The following DLX4 variants were observed in gnomAD, a reference collection of about 807,000 sequenced individuals.
DLX4 encodes distal-less homeobox 4, also known as homeobox protein DLX-4.
In DLX4, 13 loss-of-function variants were observed where a neutral mutation model predicts 17.1. That is an observed-to-expected ratio of 0.76 (90% CI 0.49 to 1.21). DLX4 has a LOEUF of 1.21. DLX4 is among the 50% of genes most tolerant of loss of function. DLX4 has a pLI of 0.00. For synonymous variants in DLX4, 129 were observed against 140.3 expected, an observed-to-expected ratio of 0.92 and a Z score of 0.57; for missense variants, 297 against 301.4, an observed-to-expected ratio of 0.99 and a Z score of 0.11.
In DLX4 at chr17:49,972,730, T is replaced by C. The variant is rs1464470777; in HGVS notation, c.284-343T>C. ...CTTTCTGCCCCGCCCTACCCCAAGC[T>C]GGCGCCACCGCCCGTGGCTGAACTC... On this transcript the variant is annotated intron_variant, in intron 1 of 2. Coordinates refer to ENST00000240306, the MANE Select transcript of DLX4 (RefSeq NM_138281.3). This position sits in a 1 kb window ranked among gnomAD's most constrained non-coding sequence, Gnocchi z 5.4. 2 of 1,373,550 alleles carry C rather than the reference T, an allele frequency of 1.5e-6. No individual in the cohort carries two copies. The highest frequency in any genetic ancestry group is 1.9e-6 in the Non-Finnish European group (2 of 1,069,024). 85.1% of individuals were successfully genotyped at this position (1,373,550 alleles called of 1,614,324 possible). A position where few individuals can be genotyped will look rare whatever the true frequency, so the allele number is the denominator to read the frequency against.
At chr17:49,970,611 T>C (rs895064834) in intron 1 of DLX4, among the ~76,000 whole-genome samples, 4 of 152,184 alleles carry the variant, frequency 2.6e-5, no homozygotes, top group African/African-American at 9.6e-5. Flanking sequence ...TGAGCTGACA[T>C]ACAATGTGGG....
In DLX4 at chr17:49,972,040, GGCATTGCGGCT is replaced by G. The variant is rs1905524541; in HGVS notation, c.284-1030_284-1020del. 1 of 152,244 alleles carries G rather than the reference GGCATTGCGGCT, an allele frequency of 6.6e-6. No individual in the cohort carries two copies. Among genetic ancestry groups the G allele is most frequent in the Non-Finnish European group, 1.5e-5 (1 of 68,102 alleles). The allele number at this position is 152,244 out of a possible 1,614,324, so 9.4% of individuals were successfully genotyped here. On this transcript the variant is annotated intron_variant, in intron 1 of 2. Coordinates refer to ENST00000240306, the MANE Select transcript of DLX4 (RefSeq NM_138281.3). This position sits in a 1 kb window ranked among gnomAD's most constrained non-coding sequence, Gnocchi z 5.4. ...CGGCGAACGCTGCCCTAAGCGCCCG[GGCATTGCGGCT>G]GCTCCATCCGCCCTACTCCTCCCAT...
intron 1 of DLX4, among the ~76,000 whole-genome samples, chr17:49,971,689 C>T (rs1905511587): frequency 6.6e-6 from 1 of 151,996 alleles, no homozygotes; most frequent in Admixed American, 6.5e-5. Flanking sequence ...CGCGGGTGGG[C>T]TCTGGGCTGC....
Position 49,969,536 on chromosome 17 carries a change from C to T in DLX4, c.68C>T (p.Pro23Leu), listed in dbSNP as rs1220519806. The change falls in exon 1 of 3, where the codon CCT becomes CTT. Residue 23 changes from proline (P) to leucine (L), a missense_variant. Coordinates refer to ENST00000240306, the MANE Select transcript of DLX4 (RefSeq NM_138281.3). ...AAAGCTGTCTTCCCAGACCTCGCCC[C>T]TGTCCCGTCGGTAGCGGCTGCCTAC... ...ASKAVFPDLAPVPSVAAAYPL... is the reference protein window; with the variant it reads ...ASKAVFPDLALVPSVAAAYPL... The T allele has an allele frequency of 4.3e-6, 7 of 1,613,216 alleles. No homozygotes were observed. The highest frequency in any genetic ancestry group is 1.1e-5 in the South Asian group (1 of 91,048).
chr17:49,973,013 T>A (rs1386022044), intron 1 of DLX4, 60 bp from the exon 2 acceptor site: 3 of 1,579,320 alleles, frequency 1.9e-6, no homozygotes, highest in Non-Finnish European at 2.6e-6. Context: ...CTTATGAAAC[T>A]GTCCGTCCTA....
rs1905417333 is a variant in DLX4, at chr17:49,969,401, A to T, written c.-68A>T. On this transcript the variant is annotated 5_prime_UTR_variant, in exon 1 of 3. Coordinates refer to ENST00000240306, the MANE Select transcript of DLX4 (RefSeq NM_138281.3). ...TCCGGCCCAACGCCGGAGGCTTGGAAAAGAGAGTTGGCAGCGGGAGCGGAC... is the reference window on the plus strand; with the variant it reads ...TCCGGCCCAACGCCGGAGGCTTGGATAAGAGAGTTGGCAGCGGGAGCGGAC... 1 of 1,464,382 alleles carries T rather than the reference A, an allele frequency of 6.8e-7. No individual in the cohort carries two copies. Among genetic ancestry groups the T allele is most frequent in the Non-Finnish European group, 9.0e-7 (1 of 1,113,228 alleles). 90.7% of individuals were successfully genotyped at this position (1,464,382 alleles called of 1,614,324 possible).
chr17:49,972,246 C>A lies in DLX4; in HGVS notation c.284-827C>A, dbSNP rs903789302. The A allele has an allele frequency of 6.6e-6, 1 of 152,280 alleles. No homozygotes were observed. The highest frequency in any genetic ancestry group is 1.5e-5 in the Non-Finnish European group (1 of 68,102). The allele number at this position is 152,280 out of a possible 1,614,324, so 9.4% of individuals were successfully genotyped here. ...TAGGCGGGCCAGAGCTGACCAGATCCCCCGCGGCGGCACCGCAGCGCGATC... is the reference window on the plus strand; with the variant it reads ...TAGGCGGGCCAGAGCTGACCAGATCACCCGCGGCGGCACCGCAGCGCGATC... On this transcript the variant is annotated intron_variant, in intron 1 of 2. Coordinates refer to ENST00000240306, the MANE Select transcript of DLX4 (RefSeq NM_138281.3). The surrounding 1 kb of genome is among the most constrained non-coding windows in gnomAD (Gnocchi z 5.4).
Position 49,974,063 on chromosome 17 carries a change from C to A in DLX4, c.*120C>A. 1 of 1,342,376 alleles carries A rather than the reference C, an allele frequency of 7.4e-7. No individual in the cohort carries two copies. The highest frequency in any genetic ancestry group is 9.8e-7 in the Non-Finnish European group (1 of 1,015,446). 83.2% of individuals were successfully genotyped at this position (1,342,376 alleles called of 1,614,324 possible). A position where few individuals can be genotyped will look rare whatever the true frequency, so the allele number is the denominator to read the frequency against. ...CTCCAGATGGGTTTTCTCTGGAGGA[C>A]AAGCAGTTAGAGGAGAAAAAGGAAT... On this transcript the variant is annotated 3_prime_UTR_variant, in exon 3 of 3. Coordinates refer to ENST00000240306, the MANE Select transcript of DLX4 (RefSeq NM_138281.3).
Position 49,972,905 on chromosome 17 carries a change from C to T in DLX4, c.284-168C>T. 6.9e-7 allele frequency: 1 copy of T among 1,454,910 alleles called. No individual in the cohort carries two copies. The highest frequency in any genetic ancestry group is 9.1e-7 in the Non-Finnish European group (1 of 1,100,530). The allele number at this position is 1,454,910 out of a possible 1,614,324, so 90.1% of individuals were successfully genotyped here. A position where few individuals can be genotyped will look rare whatever the true frequency, so the allele number is the denominator to read the frequency against. On this transcript the variant is annotated intron_variant, in intron 1 of 2. Transcript: ENST00000240306. This position sits in a 1 kb window ranked among gnomAD's most constrained non-coding sequence, Gnocchi z 5.4. ...CGGTGAACGTGGGGGTTGAAACGCT[C>T]CACGCGGAAGGTAGAGGGCAGGGGC...
chr17:49,971,832 C>T, intron 1 of DLX4: 1 of 152,326 alleles, frequency 6.6e-6, no homozygotes, highest in Non-Finnish European at 1.5e-5. Context: ...AAGCCCGCAG[C>T]GCCCGAGGCC....
In DLX4 at chr17:49,969,245, G is replaced by C. The variant is rs1905409886; in HGVS notation, c.-224G>C. ...AGGAGGGGGCCCCCATGGATTTAGG[G>C]GGGGAGGGGAAAGTCATGGGGGGCA... On this transcript the variant is annotated 5_prime_UTR_variant, in exon 1 of 3. Coordinates refer to ENST00000240306, the MANE Select transcript of DLX4 (RefSeq NM_138281.3). 4.7e-6 allele frequency: 2 copies of C among 423,832 alleles called. No homozygotes were observed. Among genetic ancestry groups the C allele is most frequent in the Non-Finnish European group, 7.7e-6 (2 of 259,862 alleles). The allele number at this position is 423,832 out of a possible 1,614,324, so 26.3% of individuals were successfully genotyped here.
At position 49,974,030 on chromosome 17, in the gene DLX4, G is replaced by T. The variant is rs534056261; in HGVS notation, c.*87G>T. 585 of 1,456,930 alleles carry T rather than the reference G, an allele frequency of 4.0e-4. 3 individuals carry two copies. The Middle Eastern group carries it at 4.1e-3, about 10-fold the overall frequency. 90.3% of individuals were successfully genotyped at this position (1,456,930 alleles called of 1,614,324 possible). Reference sequence around the variant, plus strand: ...ACCTGCACCCCTTCTGGGCTGGGAGGAAACCAGCTCCAGATGGGTTTTCTC... The same window carrying T: ...ACCTGCACCCCTTCTGGGCTGGGAGTAAACCAGCTCCAGATGGGTTTTCTC... On this transcript the variant is annotated 3_prime_UTR_variant, in exon 3 of 3. Coordinates refer to ENST00000240306, the MANE Select transcript of DLX4 (RefSeq NM_138281.3).
At position 49,969,284 on chromosome 17, in the gene DLX4, C is replaced by A; in HGVS notation, c.-185C>A. 2 of 640,818 alleles carry A rather than the reference C, an allele frequency of 3.1e-6. No homozygotes were observed. The highest frequency in any genetic ancestry group is 4.8e-6 in the Non-Finnish European group (2 of 417,842). The allele number at this position is 640,818 out of a possible 1,614,324, so 39.7% of individuals were successfully genotyped here. ...TCATGGGGGGCACCCCCCCGGAACC[C>A]CTTTCCCAGGCGCGCGTTCTCCGCT... On this transcript the variant is annotated 5_prime_UTR_variant, in exon 1 of 3. Transcript: ENST00000240306.
In DLX4 at chr17:49,969,338, G is replaced by T; in HGVS notation, c.-131G>T. 9.3e-7 allele frequency: 1 copy of T among 1,074,590 alleles called. No individual in the cohort carries two copies. Among genetic ancestry groups the T allele is most frequent in the East Asian group, 2.8e-5 (1 of 36,082 alleles). The allele number at this position is 1,074,590 out of a possible 1,614,324, so 66.6% of individuals were successfully genotyped here. A position where few individuals can be genotyped will look rare whatever the true frequency, so the allele number is the denominator to read the frequency against. ...AGAGGCTCAGAGAGACACTTTCTCC[G>T]GGATCTTAAGTGTGGGGGCTGCTGG... On this transcript the variant is annotated 5_prime_UTR_variant, in exon 1 of 3. Coordinates refer to ENST00000240306, the MANE Select transcript of DLX4 (RefSeq NM_138281.3).
chr17:49,969,397 T>G lies in DLX4; in HGVS notation c.-72T>G. 1 of 1,460,684 alleles carries G rather than the reference T, an allele frequency of 6.8e-7. No homozygotes were observed. The highest frequency in any genetic ancestry group is 9.0e-7 in the Non-Finnish European group (1 of 1,110,424). The allele number at this position is 1,460,684 out of a possible 1,614,324, so 90.5% of individuals were successfully genotyped here. ...CCCGTCCGGCCCAACGCCGGAGGCT[T>G]GGAAAAGAGAGTTGGCAGCGGGAGC... is the stretch of plus-strand genomic sequence containing the variant. On this transcript the variant is annotated 5_prime_UTR_variant, in exon 1 of 3. Transcript: ENST00000240306.
At position 49,972,779 on chromosome 17, in the gene DLX4, G is replaced by T. The variant is rs974971772; in HGVS notation, c.284-294G>T. ...TCCGACCTCCCACCGCAGGCGCCGC[G>T]GTACCCTGGCTGTGGCCCTCGGCGC... On this transcript the variant is annotated intron_variant, in intron 1 of 2. Coordinates refer to ENST00000240306, the MANE Select transcript of DLX4 (RefSeq NM_138281.3). The surrounding 1 kb of genome is among the most constrained non-coding windows in gnomAD (Gnocchi z 5.4). The T allele has an allele frequency of 8.3e-5, 115 of 1,384,390 alleles. 1 individual carries two copies. In the East Asian group the frequency reaches 2.7e-3, roughly 33 times the overall value. 85.8% of individuals were successfully genotyped at this position (1,384,390 alleles called of 1,614,324 possible). A position where few individuals can be genotyped will look rare whatever the true frequency, so the allele number is the denominator to read the frequency against.
chr17:49,969,569 G>A lies in DLX4; in HGVS notation c.101G>A (p.Gly34Asp). ...TCGGTAGCGGCTGCCTACCCGCTTG[G>A]CTTGTCCCCTACAACCGCAGCCTCC... is the stretch of plus-strand genomic sequence containing the variant. ...VPSVAAAYPL[G>D]LSPTTAASPN... The change falls in exon 1 of 3, where the codon GGC (glycine) becomes GAC (aspartate). Residue 34 changes from glycine (G) to aspartate (D), a missense_variant. Transcript: ENST00000240306. The A allele has an allele frequency of 6.2e-7, 1 of 1,613,546 alleles. No individual in the cohort carries two copies. The highest frequency in any genetic ancestry group is 8.5e-7 in the Non-Finnish European group (1 of 1,179,952).
At position 49,973,777 on chromosome 17, in the gene DLX4, A is replaced by G. The variant is rs1341165431; in HGVS notation, c.557A>G (p.Asp186Gly). ...LKQNSGGQEG[D>G]FPGRTFSVSP... ...CAGAATTCTGGGGGGCAGGAAGGGG[A>G]CTTCCCTGGGAGGACCTTCTCTGTG... Residue 186 changes from aspartate to glycine, a missense_variant, in exon 3 of 3, where the codon GAC becomes GGC. By Grantham distance (94) the Asp-to-Gly change is moderately conservative. Coordinates refer to ENST00000240306, the MANE Select transcript of DLX4 (RefSeq NM_138281.3). 1 of 1,571,600 alleles carries G rather than the reference A, an allele frequency of 6.4e-7. No individual in the cohort carries two copies. Among genetic ancestry groups the G allele is most frequent in the Non-Finnish European group, 8.6e-7 (1 of 1,157,866 alleles).
At chr17:49,971,216 G>A (rs141575163) in intron 1 of DLX4, among the ~76,000 whole-genome samples, 1 of 152,268 alleles carries the variant, frequency 6.6e-6, no homozygotes, top group East Asian at 1.9e-4. Flanking sequence ...ACAGAGTGGA[G>A]AGTTCATTTT....
Sources: gnomAD v4.1 joint callset for allele counts (sites outside exome capture counted in the v4.1 genomes callset) on GRCh38, gnomAD v4.1.1 for gene constraint, Gnocchi (gnomAD v3.1) non-coding constraint, MANE v1.5 for transcripts, NCBI Gene and HGNC (gene_info 2026-07-23, HGNC 2026-07-21) for gene names.